PIK3C3: variants seen among roughly 807,000 people sequenced by gnomAD.
PIK3C3 encodes the protein phosphatidylinositol 3-kinase catalytic subunit type 3.
In PIK3C3, 95 loss-of-function variants were observed where a neutral mutation model predicts 126.1. That is an observed-to-expected ratio of 0.75 (90% CI 0.64 to 0.89). The LOEUF is 0.89. PIK3C3 is among the 40% of genes least tolerant of loss of function. The pLI is 0.00. For missense variants in PIK3C3, 829 were observed against 1,063.2 expected (o/e 0.78, Z 3.06); for synonymous variants, 374 against 360.0 (o/e 1.04, Z -0.44).
At chr18:42,046,255 G>C (rs1380399173) in intron 20 of PIK3C3, among the ~76,000 whole-genome samples, 1 of 152,050 alleles carries the variant, frequency 6.6e-6, no homozygotes, top group East Asian at 1.9e-4. Flanking sequence ...ATGGCTTCCT[G>C]TATGACAAAA....
At chr18:41,960,791 G>T (rs1980041454) in intron 2 of PIK3C3, among the ~76,000 whole-genome samples, 1 of 150,728 alleles carries the variant, frequency 6.6e-6, no homozygotes, top group South Asian at 2.1e-4. Context: ...TCGCCAGGCT[G>T]GAGTGCAGTG....
chr18:42,075,809 C>T (rs1985949981), intron 24 of PIK3C3, among the ~76,000 whole-genome samples: 1 of 150,094 alleles, frequency 6.7e-6, no homozygotes, highest in South Asian at 2.1e-4. Context: ...CCAAGAAAGT[C>T]AGCCTGTCCT....
At chr18:42,049,834 G>A (rs1004685329) in intron 21 of PIK3C3, 2 of 354,800 alleles carry the variant, frequency 5.6e-6, no homozygotes, top group Admixed American at 4.2e-5. Context: ...TTTGCCGGGC[G>A]TGGTGGTACA....
rs1157989403 is a variant in PIK3C3 at position 42,015,458 on chromosome 18, C to A, written c.1326-18C>A. ...AGAGTATTTTACATCTCAGTGATCT[C>A]TTTTATTACTTTTTCAGCTCCCAAA... On this transcript the variant is annotated intron_variant, in intron 11 of 24. Transcript: ENST00000262039. 5 of 1,588,622 alleles carry A rather than the reference C, an allele frequency of 3.1e-6. No individual in the cohort carries two copies. The highest frequency in any genetic ancestry group is 4.3e-6 in the Non-Finnish European group (5 of 1,157,398).
intron 24 of PIK3C3, among the ~76,000 whole-genome samples, chr18:42,068,006 A>G (rs2144521481): frequency 6.6e-6 from 1 of 152,344 alleles, no homozygotes; most frequent in East Asian, 1.9e-4. Flanking sequence ...TTAATTATGA[A>G]TTGCATAATA....
At chr18:42,078,794 G>A (rs916465659) in intron 24 of PIK3C3, among the ~76,000 whole-genome samples, 10 of 152,170 alleles carry the variant, frequency 6.6e-5, no homozygotes, top group African/African-American at 2.4e-4. Flanking sequence ...CTATGTTATG[G>A]AGATAGCTTC....
At chr18:42,018,656 A>G (rs1351802634) in intron 12 of PIK3C3, among the ~76,000 whole-genome samples, 1 of 152,042 alleles carries the variant, frequency 6.6e-6, no homozygotes, top group African/African-American at 2.4e-5. Context: ...AAGGACCCCT[A>G]CTGTGTTAAA....
At chr18:42,059,318 G>T (rs886689083) in intron 22 of PIK3C3, among the ~76,000 whole-genome samples, 3 of 152,156 alleles carry the variant, frequency 2.0e-5, no homozygotes, top group Non-Finnish European at 4.4e-5. Flanking sequence ...AATGCCAAAA[G>T]AATAATGAGA....
At chr18:41,996,811 G>A in intron 9 of PIK3C3, 81 bp downstream of exon 9, 1 of 746,996 alleles carries the variant, frequency 1.3e-6, no homozygotes, top group Non-Finnish European at 2.2e-6. Flanking sequence ...AAATGCCATG[G>A]AAATTGTTAT....
At chr18:42,080,019 G>GTA (rs1483455970) in intron 24 of PIK3C3, among the ~76,000 whole-genome samples, 1 of 151,618 alleles carries the variant, frequency 6.6e-6, no homozygotes, top group Non-Finnish European at 1.5e-5. Context: ...GTGTGTGTGT[G>GTA]TGTGTGTGTA....
chr18:42,044,721 G>T (rs1984485029), intron 20 of PIK3C3, among the ~76,000 whole-genome samples: 1 of 152,058 alleles, frequency 6.6e-6, no homozygotes, highest in Admixed American at 6.6e-5. Context: ...TCCCCAGCAT[G>T]TTTATTTTTT....
intron 6 of PIK3C3, among the ~76,000 whole-genome samples, 168 bp from the exon 7 acceptor site, chr18:41,993,102 A>G (rs1291264941): frequency 1.3e-5 from 2 of 152,216 alleles, no homozygotes; most frequent in Non-Finnish European, 2.9e-5. Context: ...AAGGAGAGGT[A>G]CAAAGTGGAC....
chr18:41,979,874 C>CATTATTATTATCATT (rs1555672714), intron 4 of PIK3C3, among the ~76,000 whole-genome samples: 1 of 132,742 alleles, frequency 7.5e-6, no homozygotes, highest in Non-Finnish European at 1.6e-5. Context: ...GGAATCATGC[C>CATTATTATTATCATT]ATTATTATTA....
rs1983622238 is a variant in PIK3C3, at chr18:42,027,454, T to C, written c.1496T>C (p.Val499Ala). 1.3e-6 allele frequency: 2 copies of C among 1,594,922 alleles called. No individual in the cohort carries two copies. The highest frequency in any genetic ancestry group is 1.7e-5 in the Admixed American group (1 of 59,518). ...AAACTATTTTTAAGGTATGTGATAGTGGAATGTGAAGATCAAGATACTCAG... is the reference window on the plus strand; with the variant it reads ...AAACTATTTTTAAGGTATGTGATAGCGGAATGTGAAGATCAAGATACTCAG... Reference protein sequence around the residue: ...LANYLYWYVIVECEDQDTQQR... With the variant: ...LANYLYWYVIAECEDQDTQQR... Residue 499 changes from valine to alanine, a missense_variant, in exon 14 of 25, where the codon GTG becomes GCG. Physicochemically the swap from Val to Ala is moderately conservative, Grantham distance 64. This residue lies in a region of PIK3C3 where 256 missense variants were observed against 291.0 expected (regional missense o/e 0.88). Transcript: ENST00000262039.
At chr18:41,974,112 C>G (rs965512184) in intron 4 of PIK3C3, among the ~76,000 whole-genome samples, 3 of 152,144 alleles carry the variant, frequency 2.0e-5, no homozygotes, top group Non-Finnish European at 4.4e-5. Flanking sequence ...AGAACTACTT[C>G]AGTCTTGATT....
rs1163495365 is a variant in PIK3C3 at position 42,083,254 on chromosome 18, G to A, written c.*2117G>A. The A allele has an allele frequency of 4.6e-5, 7 of 152,020 alleles. No homozygotes were observed. The allele number at this position is 152,020 out of a possible 1,614,324, so 9.4% of individuals were successfully genotyped here. ...GAGCTCTATCCTCAGAGTGTAGTCT[G>A]CATATTTCTTTATTATCATTGCCAT... On this transcript the variant is annotated 3_prime_UTR_variant, in exon 25 of 25. Coordinates refer to ENST00000262039, the MANE Select transcript of PIK3C3 (RefSeq NM_002647.4).
intron 3 of PIK3C3, among the ~76,000 whole-genome samples, chr18:41,968,142 A>T (rs184786290): frequency 6.6e-6 from 1 of 152,260 alleles, no homozygotes; most frequent in African/African-American, 2.4e-5. Context: ...AAGGCACCTA[A>T]ATCATTTAGT....
intron 24 of PIK3C3, among the ~76,000 whole-genome samples, chr18:42,069,125 CTT>C (rs976528405): frequency 1.3e-5 from 2 of 152,082 alleles, no homozygotes; most frequent in African/African-American, 4.8e-5. Flanking sequence ...AGCTTATACT[CTT>C]TTTCTAGCTC....
intron 24 of PIK3C3, among the ~76,000 whole-genome samples, chr18:42,068,635 T>G (rs1227387685): frequency 6.6e-6 from 1 of 152,106 alleles, no homozygotes; most frequent in Non-Finnish European, 1.5e-5. Flanking sequence ...TTAGCTGATG[T>G]TTTGCTTTTT....
Sources: allele counts gnomAD v4.1 joint callset (sites outside exome capture counted in the v4.1 genomes callset), GRCh38; gene constraint gnomAD v4.1.1; regional missense constraint gnomAD v4.1.1; transcripts MANE v1.5; gene names NCBI Gene and HGNC (gene_info 2026-07-23, HGNC 2026-07-21).